Variants in P3H2 observed in about 807,000 individuals in gnomAD.
The protein encoded by P3H2 is prolyl 3-hydroxylase 2.
P3H2 carries 80 observed loss-of-function variants against 87.0 expected under a neutral mutation model. That is an observed-to-expected ratio of 0.92 (90% confidence interval 0.77 to 1.11). P3H2 has a LOEUF of 1.11. Among genes scored for constraint, P3H2 ranks in the 50% least tolerant of loss-of-function variants. The pLI, the probability that P3H2 is intolerant of heterozygous loss-of-function variation, is 0.00. For synonymous variants in P3H2, 367 were observed against 359.3 expected (o/e 1.02, Z -0.24); for missense variants, 1,001 against 923.9 (o/e 1.08, Z -1.08).
chr3:190,055,863 T>A (rs1442478373), intron 1 of P3H2, among the ~76,000 whole-genome samples: 2 of 152,214 alleles, frequency 1.3e-5, no homozygotes, highest in African/African-American at 2.4e-5. Flanking sequence ...CTTCTTGGGA[T>A]GTACTATGCT....
At chr3:190,015,729 T>C (rs1250141821) in intron 1 of P3H2, among the ~76,000 whole-genome samples, 2 of 152,214 alleles carry the variant, frequency 1.3e-5, no homozygotes, top group East Asian at 1.9e-4. Context: ...AGGGCAGAGA[T>C]TACTTCAATC....
intron 8 of P3H2, among the ~76,000 whole-genome samples, chr3:189,978,355 T>C (rs1040690800): frequency 4.6e-5 from 7 of 152,224 alleles, no homozygotes; most frequent in African/African-American, 1.7e-4. Context: ...TGTATTATCA[T>C]TACTATCGTT....
intron 1 of P3H2, among the ~76,000 whole-genome samples, chr3:190,090,469 T>C (rs1266146960): frequency 1.3e-5 from 2 of 152,162 alleles, no homozygotes; most frequent in African/African-American, 2.4e-5. Context: ...TTTGGGAGGC[T>C]GAGGCGGGTG....
chr3:190,090,793 C>G (rs1438779717), intron 1 of P3H2, among the ~76,000 whole-genome samples: 2 of 152,116 alleles, frequency 1.3e-5, no homozygotes, highest in Non-Finnish European at 2.9e-5. Context: ...ACTACCAAGT[C>G]TTTATACACA....
intron 1 of P3H2, among the ~76,000 whole-genome samples, chr3:190,098,131 G>A (rs183378636): frequency 2.9e-4 from 44 of 152,258 alleles, no homozygotes; most frequent in East Asian, 5.8e-4. Context: ...AATTACAGTC[G>A]TGTAAAATGT....
chr3:190,063,243 C>T (rs1560384639), intron 1 of P3H2, among the ~76,000 whole-genome samples: 1 of 152,110 alleles, frequency 6.6e-6, no homozygotes, highest in East Asian at 1.9e-4. Flanking sequence ...CTGCAGATAG[C>T]AAGGGCTGTG....
intron 1 of P3H2, among the ~76,000 whole-genome samples, chr3:190,041,047 C>T (rs866818933): frequency 0.21 from 6,021 of 29,142 alleles, 713 homozygotes; most frequent in Admixed American, 0.28. Context: ...TACACACACA[C>T]ACACACACAC....
intron 1 of P3H2, among the ~76,000 whole-genome samples, chr3:190,071,641 C>T (rs1409786886): frequency 6.6e-6 from 1 of 152,048 alleles, no homozygotes; most frequent in East Asian, 1.9e-4. Flanking sequence ...ATGGGTTTTT[C>T]CTAGGCACAT....
intron 4 of P3H2, among the ~76,000 whole-genome samples, chr3:189,988,621 T>C (rs1481577513): frequency 6.6e-6 from 1 of 152,174 alleles, no homozygotes; most frequent in Non-Finnish European, 1.5e-5. Context: ...TTTGCAAAGT[T>C]CCTTTTAAAT....
intron 1 of P3H2, among the ~76,000 whole-genome samples, chr3:190,013,634 T>C (rs1724663938): frequency 6.6e-6 from 1 of 152,120 alleles, no homozygotes; most frequent in Admixed American, 6.5e-5. Flanking sequence ...GAAAACAGAT[T>C]TTCCTTGTAA....
At chr3:190,039,770 C>T (rs902409013) in intron 1 of P3H2, among the ~76,000 whole-genome samples, 19 of 152,086 alleles carry the variant, frequency 1.2e-4, no homozygotes, top group Admixed American at 5.9e-4. Context: ...TGAGATTATT[C>T]GGGTTGATTT....
intron 1 of P3H2, 119 bp from the exon 2 acceptor site, chr3:189,995,561 T>A (rs1266918415): frequency 9.0e-7 from 1 of 1,104,978 alleles, no homozygotes; most frequent in African/African-American, 1.6e-5. Context: ...CCTTGGTTTT[T>A]TTTTTTTTTA....
chr3:190,008,793 T>A (rs1242425420), intron 1 of P3H2, among the ~76,000 whole-genome samples: 2 of 152,108 alleles, frequency 1.3e-5, no homozygotes, highest in Admixed American at 6.6e-5. Context: ...ATGAGGGGCC[T>A]GTACTGGCCA....
chr3:189,976,232 A>T (rs1723344114), intron 8 of P3H2, among the ~76,000 whole-genome samples: 1 of 152,208 alleles, frequency 6.6e-6, no homozygotes, highest in East Asian at 1.9e-4. Context: ...TTAATGTACC[A>T]CGATTAATTT....
At chr3:190,038,241 A>C (rs1725486641) in intron 1 of P3H2, among the ~76,000 whole-genome samples, 1 of 151,284 alleles carries the variant, frequency 6.6e-6, no homozygotes, top group Non-Finnish European at 1.5e-5. Context: ...GTTTAAAAAA[A>C]AAAAAAAAAA....
At chr3:189,992,843 A>G (rs1313221263) in intron 3 of P3H2, among the ~76,000 whole-genome samples, 1 of 152,244 alleles carries the variant, frequency 6.6e-6, no homozygotes, top group Non-Finnish European at 1.5e-5. Flanking sequence ...GTAAATTACT[A>G]TGAACAATAA....
chr3:189,969,227 T>C, intron 13 of P3H2: 2 of 751,490 alleles, frequency 2.7e-6, no homozygotes, highest in South Asian at 1.4e-5. Flanking sequence ...ATGGCAATAC[T>C]CGCATAACAA....
At chr3:190,033,810 ATGT>A (rs1725329945) in intron 1 of P3H2, among the ~76,000 whole-genome samples, 1 of 152,244 alleles carries the variant, frequency 6.6e-6, no homozygotes, top group East Asian at 1.9e-4. Context: ...CTAAAATCCC[ATGT>A]TGTTGTTTAT....
rs1403620259 is a variant in P3H2 at position 190,050,106 on chromosome 3, GTC to G, written c.481-54666_481-54665del. Among the ~76,000 whole-genome samples, 4 of 152,260 alleles carry G rather than the reference GTC, an allele frequency of 2.6e-5. No homozygotes were observed. The East Asian group carries it at 5.8e-4, about 22-fold the overall frequency. ...TAAATCAATCTAAAATGTTCATCCA[GTC>G]TCTGATTAAATTTTCCCCATGTGAA... On this transcript the variant is annotated intron_variant, in intron 1 of 14. Transcript: ENST00000319332.
Sources: allele counts gnomAD v4.1 joint callset (sites outside exome capture counted in the v4.1 genomes callset), GRCh38; gene constraint gnomAD v4.1.1; transcripts MANE v1.5; gene names NCBI Gene and HGNC (gene_info 2026-07-23, HGNC 2026-07-21).